LAMB3: variants seen among roughly 807,000 people sequenced by gnomAD.
The protein encoded by LAMB3 is laminin subunit beta-3.
A neutral mutation model predicts 140.3 loss-of-function variants in LAMB3; 104 were observed. The observed-to-expected ratio is 0.74, with a 90% CI of 0.63 to 0.87. The LOEUF (loss-of-function observed/expected upper bound fraction) is 0.87. Ranked by LOEUF, LAMB3 falls within the 40% of genes least tolerant of loss-of-function variation. The pLI is 0.00. For synonymous variants in LAMB3, 592 were observed against 602.9 expected (o/e 0.98, Z 0.26); for missense variants, 1,531 against 1,575.2 (o/e 0.97, Z 0.47).
intron 3 of LAMB3, among the ~76,000 whole-genome samples, chr1:209,647,920 A>C (rs2076532031): frequency 6.6e-6 from 1 of 152,246 alleles, no homozygotes; most frequent in Non-Finnish European, 1.5e-5. Context: ...AATGAATTAT[A>C]ATTGCCATTA....
chr1:209,618,318 TGTACCACTCTCCACC>T, intron 19 of LAMB3, 119 bp downstream of exon 19: 1 of 966,600 alleles, frequency 1.0e-6, no homozygotes, highest in Non-Finnish European at 1.6e-6. Flanking sequence ...CTGGACTCTG[TGTACCACTCTCCACC>T]ATGGTAAGCA....
intron 19 of LAMB3, 80 bp from the exon 20 acceptor site, chr1:209,618,128 G>A (rs1232518201): frequency 6.4e-7 from 1 of 1,556,078 alleles, no homozygotes; most frequent in East Asian, 2.2e-5. Context: ...TCACACACCA[G>A]TCCAAAAGAA....
chr1:209,634,477 C>G lies in LAMB3; in HGVS notation c.534G>C (p.Gln178His). Residue 178 changes from glutamine (Q) to histidine (H), a missense_variant, in exon 6 of 23, where the codon CAG becomes CAC. By Grantham distance (24) the Gln-to-His change is conservative (BLOSUM62 0). Coordinates refer to ENST00000356082, the MANE Select transcript of LAMB3 (RefSeq NM_000228.3). Reference protein sequence around the residue: ...WQDVRCQSLPQRPNARLNGGK... With the variant: ...WQDVRCQSLPHRPNARLNGGK... ...CCCCATTTAGGCGTGCATTAGGCCT[C>G]TGAGGCAGGGACTGGCACCGAACAT... is the stretch of plus-strand genomic sequence containing the variant. 6.2e-7 allele frequency: 1 copy of G among 1,614,148 alleles called. No homozygotes were observed. The highest frequency in any genetic ancestry group is 8.5e-7 in the Non-Finnish European group (1 of 1,180,032).
rs565286176 is a variant in LAMB3, at chr1:209,629,745, G to T, written c.1124C>A (p.Thr375Asn). The change falls in exon 10 of 23, where the codon ACC becomes AAC. Residue 375 changes from threonine (T) to asparagine (N), a missense_variant. Transcript: ENST00000356082. The part of the protein sequence containing the change: ...NRRPGASIQE[T>N]CISCECDPDG... ...CCGGAGCCTCTACTCACAGATGCAG[G>T]TCTCCTGAATGGAAGCTCCCGGGCG... is the stretch of plus-strand genomic sequence containing the variant. 6 of 1,614,158 alleles carry T rather than the reference G, an allele frequency of 3.7e-6. No homozygotes were observed. Among genetic ancestry groups the T allele is most frequent in the South Asian group, 2.2e-5 (2 of 91,080 alleles).
At position 209,652,146 on chromosome 1, in the gene LAMB3, T is replaced by C. The variant is rs549390937; in HGVS notation, c.-38+223A>G. The stretch of plus-strand genomic sequence containing the variant: ...GCCCACCCTTCTCACTTCTCTTTTG[T>C]GCTCAACCCCGGATCTGAACCTGCT... On this transcript the variant is annotated intron_variant, in intron 1 of 22. Coordinates refer to ENST00000356082, the MANE Select transcript of LAMB3 (RefSeq NM_000228.3). 3 of 152,384 alleles carry C rather than the reference T, an allele frequency of 2.0e-5. No homozygotes were observed. In the East Asian group the frequency reaches 5.8e-4, roughly 29 times the overall value. The allele number at this position is 152,384 out of a possible 1,614,324, so 9.4% of individuals were successfully genotyped here.
chr1:209,649,908 C>A, intron 3 of LAMB3, 56 bp downstream of exon 3: 1 of 1,586,918 alleles, frequency 6.3e-7, no homozygotes, highest in Non-Finnish European at 8.7e-7. Context: ...GGACAAATGG[C>A]AGCTCACACA....
intron 14 of LAMB3, among the ~76,000 whole-genome samples, chr1:209,625,119 T>C (rs910599504): frequency 6.6e-6 from 1 of 152,070 alleles, no homozygotes; most frequent in African/African-American, 2.4e-5. Flanking sequence ...TCCCCACCAC[T>C]CACACACCTG....
At chr1:209,644,256 G>T (rs566362448) in intron 3 of LAMB3, among the ~76,000 whole-genome samples, 1 of 152,210 alleles carries the variant, frequency 6.6e-6, no homozygotes, top group Non-Finnish European at 1.5e-5. Flanking sequence ...TCCTTATCAC[G>T]AAGTGAAATT....
chr1:209,632,536 C>T (rs530331887), intron 8 of LAMB3, 47 bp downstream of exon 8: 10 of 1,515,008 alleles, frequency 6.6e-6, no homozygotes, highest in African/African-American at 1.4e-5. Flanking sequence ...CTGTAGTCTG[C>T]CCTGGTCCTG....
chr1:209,622,810 T>C (rs1666252492), intron 17 of LAMB3, 130 bp from the exon 18 acceptor site: 3 of 1,377,082 alleles, frequency 2.2e-6, no homozygotes, highest in Middle Eastern at 1.8e-4. Flanking sequence ...CCAGCTTACA[T>C]GTGGATGTTC....
At position 209,625,766 on chromosome 1, in the gene LAMB3, G is replaced by GAT; in HGVS notation, c.1857_1858insAT (p.Leu620IlefsTer7). 6.2e-7 allele frequency: 1 copy of GAT among 1,614,174 alleles called. No individual in the cohort carries two copies. The highest frequency in any genetic ancestry group is 1.7e-5 in the Admixed American group (1 of 60,028). The stretch of plus-strand genomic sequence containing the variant: ...TTTGCATCTAGGATCCGGGAGGCCA[G>GAT]GCCACGGTCCTCCAGCCCAGGCCCT... On this transcript the variant is annotated frameshift_variant, in exon 14 of 23. Coordinates refer to ENST00000356082, the MANE Select transcript of LAMB3 (RefSeq NM_000228.3). LOFTEE classifies it high-confidence loss of function.
At chr1:209,624,072 G>A in intron 14 of LAMB3, 72 bp from the exon 15 acceptor site, 1 of 1,358,270 alleles carries the variant, frequency 7.4e-7, no homozygotes, top group Non-Finnish European at 1.0e-6. Flanking sequence ...TATCCCCTCA[G>A]AGCAACTGCT....
intron 5 of LAMB3, 63 bp from the exon 6 acceptor site, chr1:209,634,701 G>T: frequency 7.3e-7 from 1 of 1,368,466 alleles, no homozygotes; most frequent in Non-Finnish European, 1.0e-6. Context: ...GGAGACACAA[G>T]CAGAGAGACA....
intron 13 of LAMB3, among the ~76,000 whole-genome samples, chr1:209,626,455 C>T (rs1224307176): frequency 6.6e-6 from 1 of 152,220 alleles, no homozygotes; most frequent in Non-Finnish European, 1.5e-5. Context: ...GGTCTGCACA[C>T]TCCAAGGCCT....
Position 209,618,217 on chromosome 1 carries a change from C to T in LAMB3, c.2910-169G>A, listed in dbSNP as rs2076220. 0.29 allele frequency among the ~76,000 whole-genome samples: 44,264 copies of T among 152,128 alleles called. 6,538 individuals carry two copies. Among genetic ancestry groups the T allele is most frequent in the Admixed American group, 0.36 (5,466 of 15,296 alleles). ...ATGTCCCAGGACCCCACCAAGCAGA[C>T]GTGATGAATGTTCCCATTATGCCCA... On this transcript the variant is annotated intron_variant, in intron 19 of 22. Transcript: ENST00000356082.
chr1:209,640,399 T>G (rs576210483), intron 3 of LAMB3, among the ~76,000 whole-genome samples: 28 of 151,780 alleles, frequency 1.8e-4, no homozygotes, highest in Admixed American at 2.0e-4. Context: ...AATACAAAAA[T>G]TAGCTGGGCA....
In LAMB3 at chr1:209,638,087, C is replaced by T. The variant is rs558675250; in HGVS notation, c.299-106G>A. ...CTCTAGGAACTCAGAAACTCTCTAACCTTGATTTTCCAAACTCCCTCTTGG... is the reference window on the plus strand; with the variant it reads ...CTCTAGGAACTCAGAAACTCTCTAATCTTGATTTTCCAAACTCCCTCTTGG... On this transcript the variant is annotated intron_variant, in intron 4 of 22. Transcript: ENST00000356082. 25 of 894,726 alleles carry T rather than the reference C, an allele frequency of 2.8e-5. No homozygotes were observed. In the African/African-American group the frequency reaches 3.5e-4, roughly 12 times the overall value. 55.4% of individuals were successfully genotyped at this position (894,726 alleles called of 1,614,324 possible). A position where few individuals can be genotyped will look rare whatever the true frequency, so the allele number is the denominator to read the frequency against.
intron 8 of LAMB3, 145 bp from the exon 9 acceptor site, chr1:209,630,880 G>A (rs752365982): frequency 2.2e-5 from 20 of 901,510 alleles, no homozygotes; most frequent in Admixed American, 6.2e-5. Flanking sequence ...TCTGAATGCC[G>A]CAGACTTCAC....
intron 3 of LAMB3, among the ~76,000 whole-genome samples, chr1:209,641,202 T>TGCATTA (rs2076466526): frequency 6.6e-6 from 1 of 152,190 alleles, no homozygotes; most frequent in Non-Finnish European, 1.5e-5. Context: ...GCAAACTATT[T>TGCATTA]GCATTAGCAT....
Sources: allele counts gnomAD v4.1 joint callset (sites outside exome capture counted in the v4.1 genomes callset), GRCh38; gene constraint gnomAD v4.1.1; transcripts MANE v1.5; gene names NCBI Gene and HGNC (gene_info 2026-07-23, HGNC 2026-07-21).